Variants in CLDN10 observed in about 807,000 individuals in gnomAD.
CLDN10 encodes claudin 10, also known as claudin-10.
A neutral mutation model predicts 22.9 loss-of-function variants in CLDN10; 15 were observed. That is an observed-to-expected ratio of 0.65 (90% CI 0.44 to 1.01). CLDN10 has a LOEUF of 1.01. CLDN10 is among the 50% of genes least tolerant of loss of function. The pLI is 0.00. For missense variants in CLDN10, 247 were observed against 287.8 expected (o/e 0.86, Z 1.03); for synonymous variants, 114 against 111.4 (o/e 1.02, Z -0.15).
intron 1 of CLDN10, among the ~76,000 whole-genome samples, chr13:95,483,557 A>G (rs2042772224): frequency 6.6e-6 from 1 of 152,144 alleles, no homozygotes; most frequent in African/African-American, 2.4e-5. Flanking sequence ...ACCAGACTCT[A>G]AAGAGGCATT....
chr13:95,552,244 A>G (rs2043573666), upstream of CLDN10, among the ~76,000 whole-genome samples: 1 of 152,210 alleles, frequency 6.6e-6, no homozygotes, highest in Non-Finnish European at 1.5e-5. Context: ...TGGCACGCAA[A>G]CCTTTAGAGT....
intron 3 of CLDN10, among the ~76,000 whole-genome samples, chr13:95,574,642 C>G (rs1007313075): frequency 6.6e-6 from 1 of 152,010 alleles, no homozygotes; most frequent in Non-Finnish European, 1.5e-5. Context: ...TGGTGGCACA[C>G]ACCTGTAATC....
intron 1 of CLDN10, among the ~76,000 whole-genome samples, chr13:95,546,546 T>A (rs1336060665): frequency 6.6e-6 from 1 of 152,260 alleles, no homozygotes; most frequent in African/African-American, 2.4e-5. Context: ...CTTATAGGTA[T>A]GTTTTTGTAA....
chr13:95,557,024 C>T (rs1453594168), intron 1 of CLDN10, among the ~76,000 whole-genome samples: 1 of 152,202 alleles, frequency 6.6e-6, no homozygotes, highest in East Asian at 1.9e-4. Context: ...ATTGTTAACC[C>T]ATACTCCTTT....
intron 3 of CLDN10, among the ~76,000 whole-genome samples, chr13:95,568,394 G>A (rs1312152696): frequency 1.9e-4 from 29 of 152,098 alleles, no homozygotes; most frequent in Non-Finnish European, 4.4e-5. Context: ...AATCTGCTTG[G>A]GAACTAAATA....
At chr13:95,529,037 T>G (rs1468667372) in intron 1 of CLDN10, among the ~76,000 whole-genome samples, 1 of 151,932 alleles carries the variant, frequency 6.6e-6, no homozygotes, top group East Asian at 1.9e-4. Context: ...AATGTTTTTC[T>G]TGTTGTTGTT....
chr13:95,485,748 A>C (rs1594554020), intron 1 of CLDN10, among the ~76,000 whole-genome samples: 2 of 152,184 alleles, frequency 1.3e-5, no homozygotes, highest in East Asian at 3.8e-4. Context: ...AAGGACTAGA[A>C]ATTCTAGCCG....
chr13:95,470,541 A>C (rs891619443), intron 1 of CLDN10, among the ~76,000 whole-genome samples: 2 of 152,118 alleles, frequency 1.3e-5, no homozygotes, highest in East Asian at 3.9e-4. Context: ...TTCTAAGTCA[A>C]AGTTCAGTCT....
intron 1 of CLDN10, among the ~76,000 whole-genome samples, chr13:95,538,153 C>CTTTTTTTTTT (rs1176533524): frequency 1.2e-4 from 8 of 66,802 alleles, no homozygotes; most frequent in African/African-American, 4.3e-4. Context: ...CTGTTTATTT[C>CTTTTTTTTTT]TTTTTTTTTT....
chr13:95,569,371 G>A (rs995520985), intron 3 of CLDN10, among the ~76,000 whole-genome samples: 4 of 152,224 alleles, frequency 2.6e-5, no homozygotes, highest in African/African-American at 9.6e-5. Flanking sequence ...ATCATTTGAG[G>A]TCAGGAGTTC....
At chr13:95,439,346 T>A (rs1266047813) in intron 1 of CLDN10, among the ~76,000 whole-genome samples, 3 of 125,954 alleles carry the variant, frequency 2.4e-5, no homozygotes, top group African/African-American at 8.2e-5. Context: ...TTTTATGTTA[T>A]TATTATTTTT....
intron 1 of CLDN10, among the ~76,000 whole-genome samples, chr13:95,514,935 G>A (rs556422717): frequency 6.6e-6 from 1 of 152,256 alleles, no homozygotes; most frequent in South Asian, 2.1e-4. Flanking sequence ...CGCTGAAGAT[G>A]GTAAAGAGGA....
At chr13:95,543,373 G>A (rs2043478738) in intron 1 of CLDN10, among the ~76,000 whole-genome samples, 1 of 152,104 alleles carries the variant, frequency 6.6e-6, no homozygotes, top group African/African-American at 2.4e-5. Context: ...TACCACTTAG[G>A]GCTTAGCTTG....
chr13:95,465,877 G>GT (rs1378384618), intron 1 of CLDN10, among the ~76,000 whole-genome samples: 2 of 152,100 alleles, frequency 1.3e-5, no homozygotes, highest in Non-Finnish European at 2.9e-5. Context: ...AATGAACTTG[G>GT]ATTTTGTCAA....
intron 1 of CLDN10, among the ~76,000 whole-genome samples, chr13:95,490,218 C>T (rs981575370): frequency 2.0e-5 from 3 of 152,108 alleles, no homozygotes; most frequent in African/African-American, 7.2e-5. Context: ...TTTGGTTCCA[C>T]ATGAATTTTA....
intron 1 of CLDN10, among the ~76,000 whole-genome samples, chr13:95,448,524 GAGGA>G (rs1375804215): frequency 3.3e-5 from 5 of 152,126 alleles, no homozygotes; most frequent in Non-Finnish European, 7.3e-5. Flanking sequence ...CACAGACAGT[GAGGA>G]ATGTGACCCC....
At chr13:95,576,692 G>A (rs953037172) in intron 3 of CLDN10, among the ~76,000 whole-genome samples, 3 of 152,178 alleles carry the variant, frequency 2.0e-5, no homozygotes, top group African/African-American at 7.2e-5. Context: ...ACTGTCACCT[G>A]CCATATGGGA....
rs35780641 is a variant in CLDN10, at chr13:95,517,933, CAA to C, written c.215-42179_215-42178del. ...GGACAACAAGAGCAAAACTCCACCT[CAA>C]AAAAAAAAAAAAAAAAAAAGAGAGA... On this transcript the variant is annotated intron_variant, in intron 1 of 4. Transcript: ENST00000376873. 7.8e-3 allele frequency among the ~76,000 whole-genome samples: 737 copies of C among 94,030 alleles called. 7 individuals carry two copies. Among genetic ancestry groups the C allele is most frequent in the African/African-American group, 0.024 (628 of 25,772 alleles). 61.7% of individuals were successfully genotyped at this position (94,030 alleles called of 152,430 possible). A position where few individuals can be genotyped will look rare whatever the true frequency, so the allele number is the denominator to read the frequency against.
At chr13:95,576,169 C>G (rs577484938) in intron 3 of CLDN10, among the ~76,000 whole-genome samples, 1 of 152,256 alleles carries the variant, frequency 6.6e-6, no homozygotes, top group East Asian at 1.9e-4. Flanking sequence ...GATACCGAAG[C>G]CTGGCCTCAG....
Sources: allele counts gnomAD v4.1 joint callset (sites outside exome capture counted in the v4.1 genomes callset), GRCh38; gene constraint gnomAD v4.1.1; transcripts MANE v1.5; gene names NCBI Gene and HGNC (gene_info 2026-07-23, HGNC 2026-07-21).